LCP2: variants seen among roughly 807,000 people sequenced by gnomAD.
LCP2 encodes lymphocyte cytosolic protein 2, also known as 76 kDa tyrosine phosphoprotein.
A neutral mutation model predicts 74.5 loss-of-function variants in LCP2; 29 were observed. That is an observed-to-expected ratio of 0.39 (90% CI 0.29 to 0.53). LCP2 has a LOEUF of 0.53. Among genes scored for constraint, LCP2 ranks in the 20% least tolerant of loss-of-function variants. LCP2 has a pLI of 0.72. For synonymous variants in LCP2, 228 were observed against 229.5 expected, an observed-to-expected ratio of 0.99 and a Z score of 0.06; for missense variants, 604 against 634.6, an observed-to-expected ratio of 0.95 and a Z score of 0.52.
chr5:170,278,131 G>A (rs1762037611), intron 3 of LCP2, among the ~76,000 whole-genome samples: 1 of 150,708 alleles, frequency 6.6e-6, no homozygotes, highest in African/African-American at 2.4e-5. Flanking sequence ...AGGTGGTGCT[G>A]GCTGCAGCAG....
At chr5:170,282,207 G>A (rs2113201645) in intron 3 of LCP2, among the ~76,000 whole-genome samples, 1 of 152,304 alleles carries the variant, frequency 6.6e-6, no homozygotes, top group South Asian at 2.1e-4. Flanking sequence ...GTAAACGTCA[G>A]GGAAGGAAAT....
At chr5:170,271,391 G>A (rs552982841) in intron 6 of LCP2, among the ~76,000 whole-genome samples, 37 of 152,184 alleles carry the variant, frequency 2.4e-4, no homozygotes, top group African/African-American at 7.7e-4. Context: ...GCCCGGCTAA[G>A]GGGAAAAACA....
At chr5:170,251,863 C>G (rs574166928) in intron 19 of LCP2, 1 of 290,582 alleles carries the variant, frequency 3.4e-6, no homozygotes, top group East Asian at 7.7e-5. Context: ...CTACTGAGAA[C>G]TACTGGTGTG....
At position 170,248,836 on chromosome 5, in the gene LCP2, AG is replaced by A; in HGVS notation, c.1480-18del. The A allele has an allele frequency of 6.2e-7, 1 of 1,610,858 alleles. No individual in the cohort carries two copies. Among genetic ancestry groups the A allele is most frequent in the Non-Finnish European group, 8.5e-7 (1 of 1,178,100 alleles). On this transcript the variant is annotated intron_variant, in intron 20 of 20. Transcript: ENST00000046794. ...CAGAAAGTCCTGAAAGAGTCAAGAT[AG>A]GGAGATGAGTCAACATTGGAATGAA...
chr5:170,263,368 A>G (rs1761696731), intron 10 of LCP2, among the ~76,000 whole-genome samples: 1 of 152,184 alleles, frequency 6.6e-6, no homozygotes, highest in Non-Finnish European at 1.5e-5. Flanking sequence ...TCTGCAGCCT[A>G]AGTTTTATTT....
chr5:170,273,997 C>T (rs184878855), intron 6 of LCP2: 126 of 419,820 alleles, frequency 3.0e-4, no homozygotes, highest in African/African-American at 2.1e-3. Context: ...CACGTGCAGC[C>T]TACCCTCTGT....
chr5:170,251,584 C>T (rs1344173455), intron 19 of LCP2: 5 of 455,148 alleles, frequency 1.1e-5, no homozygotes, highest in South Asian at 4.7e-5. Context: ...CATACCAAAT[C>T]AGGATAGCTT....
At position 170,280,206 on chromosome 5, in the gene LCP2, G is replaced by A. The variant is rs1296226322; in HGVS notation, c.189-4346C>T. 2.6e-5 allele frequency among the ~76,000 whole-genome samples: 4 copies of A among 151,898 alleles called. No individual in the cohort carries two copies. In the East Asian group the frequency reaches 5.8e-4, roughly 22 times the overall value. On this transcript the variant is annotated intron_variant, in intron 3 of 20. Coordinates refer to ENST00000046794, the MANE Select transcript of LCP2 (RefSeq NM_005565.5). Reference sequence around the variant, plus strand: ...TCCCACAGTGGGAGCCTTATTCCCTGGGCTCAGATTTCAGACTGCCTGCTG... The same window carrying A: ...TCCCACAGTGGGAGCCTTATTCCCTAGGCTCAGATTTCAGACTGCCTGCTG...
chr5:170,285,982 C>T (rs1479399986), intron 3 of LCP2, among the ~76,000 whole-genome samples: 2 of 152,232 alleles, frequency 1.3e-5, no homozygotes, highest in Non-Finnish European at 2.9e-5. Flanking sequence ...CAGCAAGCAA[C>T]CATAGGCTTC....
chr5:170,295,855 G>A (rs1762370387), intron 1 of LCP2, among the ~76,000 whole-genome samples: 1 of 152,256 alleles, frequency 6.6e-6, no homozygotes, highest in Middle Eastern at 3.4e-3. Context: ...CCTGGGTGCT[G>A]TAGATTTGTC....
In LCP2 at chr5:170,297,528, G is replaced by A; in HGVS notation, c.78+6C>T. On this transcript the variant is annotated splice_donor_region_variant and intron_variant, in intron 1 of 20. Coordinates refer to ENST00000046794, the MANE Select transcript of LCP2 (RefSeq NM_005565.5). The stretch of plus-strand genomic sequence containing the variant: ...TCATGACCATTCACACAAGAGCAAG[G>A]CTTACCTTCTTGAAATAGTCAGCAA... 6.2e-7 allele frequency: 1 copy of A among 1,611,768 alleles called. No homozygotes were observed. Among genetic ancestry groups the A allele is most frequent in the Non-Finnish European group, 8.5e-7 (1 of 1,178,732 alleles).
At chr5:170,275,578 G>C in intron 4 of LCP2, 1 of 645,110 alleles carries the variant, frequency 1.6e-6, no homozygotes, top group Non-Finnish European at 2.7e-6. Flanking sequence ...ACTGTCTGAT[G>C]CTGTAGAGGA....
intron 13 of LCP2, among the ~76,000 whole-genome samples, chr5:170,262,426 C>G (rs565617613): frequency 4.9e-4 from 75 of 152,348 alleles, no homozygotes; most frequent in African/African-American, 1.8e-3. Flanking sequence ...TCACTCTACT[C>G]ATTTCTCAGT....
At chr5:170,284,169 T>C (rs1334130612) in intron 3 of LCP2, among the ~76,000 whole-genome samples, 3 of 152,192 alleles carry the variant, frequency 2.0e-5, no homozygotes, top group Admixed American at 6.5e-5. Flanking sequence ...AGATGCAAAC[T>C]CAAATGCCCT....
At chr5:170,267,853 T>C (rs563426022) in intron 8 of LCP2, among the ~76,000 whole-genome samples, 1 of 152,190 alleles carries the variant, frequency 6.6e-6, no homozygotes, top group East Asian at 1.9e-4. Flanking sequence ...GCAATATACA[T>C]CTGTAGATAA....
Position 170,248,606 on chromosome 5 carries a change from A to G in LCP2, c.*91T>C, listed in dbSNP as rs1761352118. On this transcript the variant is annotated 3_prime_UTR_variant, in exon 21 of 21. Coordinates refer to ENST00000046794, the MANE Select transcript of LCP2 (RefSeq NM_005565.5). ...GTGTTCATGGGGAGGGGTTCAGTTCAGTCCTAAGTGTTTGTCCATTGACCA... is the reference window on the plus strand; with the variant it reads ...GTGTTCATGGGGAGGGGTTCAGTTCGGTCCTAAGTGTTTGTCCATTGACCA... The G allele has an allele frequency of 2.1e-6, 3 of 1,395,468 alleles. No individual in the cohort carries two copies. The highest frequency in any genetic ancestry group is 2.9e-5 in the African/African-American group (2 of 69,288). 86.4% of individuals were successfully genotyped at this position (1,395,468 alleles called of 1,614,324 possible).
At chr5:170,275,985 C>G in intron 3 of LCP2, 125 bp from the exon 4 acceptor site, 1 of 726,978 alleles carries the variant, frequency 1.4e-6, no homozygotes, top group Non-Finnish European at 2.4e-6. Context: ...CCAGGCTCCT[C>G]TTTGTCACCT....
chr5:170,297,078 G>A (rs1376124261), intron 1 of LCP2, among the ~76,000 whole-genome samples: 4 of 152,190 alleles, frequency 2.6e-5, no homozygotes, highest in African/African-American at 9.6e-5. Flanking sequence ...GATCTCATTA[G>A]CAGTTACAAC....
Position 170,284,877 on chromosome 5 carries a change from A to C in LCP2, c.188+3093T>G, listed in dbSNP as rs1020892576. Among the ~76,000 whole-genome samples the C allele has an allele frequency of 3.3e-5, 5 of 151,428 alleles. No individual in the cohort carries two copies. The South Asian group carries it at 8.3e-4, about 25-fold the overall frequency. On this transcript the variant is annotated intron_variant, in intron 3 of 20. Coordinates refer to ENST00000046794, the MANE Select transcript of LCP2 (RefSeq NM_005565.5). Reference sequence around the variant, plus strand: ...GTGATTCTCCTGCCTCAGCCTCTTCAGTAGCTGGAACTACAGTCGCCTGCC... The same window carrying C: ...GTGATTCTCCTGCCTCAGCCTCTTCCGTAGCTGGAACTACAGTCGCCTGCC...
Sources: gnomAD v4.1 joint callset for allele counts (sites outside exome capture counted in the v4.1 genomes callset) on GRCh38, gnomAD v4.1.1 for gene constraint, MANE v1.5 for transcripts, NCBI Gene and HGNC (gene_info 2026-07-23, HGNC 2026-07-21) for gene names.